Variants in KRAS observed in about 807,000 individuals in gnomAD.
The protein encoded by KRAS is GTPase KRas.
KRAS carries 1 observed loss-of-function variant against 21.0 expected under a neutral mutation model. The ratio of observed to expected loss-of-function variants is 0.05; its 90% CI spans 0.02 to 0.23. The LOEUF (loss-of-function observed/expected upper bound fraction) is 0.23, where lower values mean the gene tolerates loss of function less well. KRAS is among the 10% of genes least tolerant of loss of function. KRAS has a pLI of 1.00. For missense variants in KRAS, 107 were observed against 221.8 expected, an observed-to-expected ratio of 0.48 and a Z score of 3.29; for synonymous variants, 67 against 72.5, an observed-to-expected ratio of 0.92 and a Z score of 0.39.
At chr12:25,210,053 T>TC in intron 4 of KRAS, 142 bp from the exon 5 acceptor site, 8 of 546,510 alleles carry the variant, frequency 1.5e-5, no homozygotes, top group South Asian at 3.2e-5. Flanking sequence ...TTACATATAT[T>TC]AGGACTTTTA....
intron 4 of KRAS, among the ~76,000 whole-genome samples, chr12:25,222,219 G>A (rs950812227): frequency 6.7e-6 from 1 of 149,906 alleles, no homozygotes; most frequent in Non-Finnish European, 1.5e-5. Flanking sequence ...AATAACAGAT[G>A]AGTAACAAAA....
At chr12:25,234,567 C>G in intron 2 of KRAS, 1 of 186,130 alleles carries the variant, frequency 5.4e-6, no homozygotes, top group East Asian at 8.6e-5. Flanking sequence ...TTTTTCTTAT[C>G]TGCATATTTA....
rs895269809 is a variant in KRAS, at chr12:25,222,896, T to C, written c.450+2718A>G. On this transcript the variant is annotated intron_variant, in intron 4 of 4. Coordinates refer to ENST00000311936, the MANE Select transcript of KRAS (RefSeq NM_004985.5). ...TTTTAGGATATTATCAAATGAGAAGTGGACAGCAACAAAGTGGGACTAACA... is the reference window on the plus strand; with the variant it reads ...TTTTAGGATATTATCAAATGAGAAGCGGACAGCAACAAAGTGGGACTAACA... Among the ~76,000 whole-genome samples, 19 of 152,136 alleles carry C rather than the reference T, an allele frequency of 1.2e-4. 1 individual carries two copies. The highest frequency in any genetic ancestry group is 4.3e-4 in the African/African-American group (18 of 41,434).
intron 4 of KRAS, among the ~76,000 whole-genome samples, chr12:25,218,811 CAG>C (rs1951283646): frequency 6.6e-6 from 1 of 152,096 alleles, no homozygotes; most frequent in African/African-American, 2.4e-5. Flanking sequence ...ATAGCTGAAA[CAG>C]ATATTTAATA....
chr12:25,226,562 T>C (rs1951394490), intron 3 of KRAS, among the ~76,000 whole-genome samples: 1 of 152,216 alleles, frequency 6.6e-6, no homozygotes, highest in South Asian at 2.1e-4. Context: ...AAACATGCTG[T>C]AACAATGTTC....
At position 25,208,178 on chromosome 12, in the gene KRAS, A is replaced by AC. The variant is rs1951161199; in HGVS notation, c.*1616_*1617insG. The AC allele has an allele frequency of 4.3e-6, 1 of 232,792 alleles. No individual in the cohort carries two copies. The highest frequency in any genetic ancestry group is 2.2e-5 in the African/African-American group (1 of 45,222). The allele number at this position is 232,792 out of a possible 1,614,324, so 14.4% of individuals were successfully genotyped here. ...AAATTACATAGTTGTAAAAAAAAAAAACTAAGAGTTTGAGATGACTTCTTT... is the reference window on the plus strand; with the variant it reads ...AAATTACATAGTTGTAAAAAAAAAAACACTAAGAGTTTGAGATGACTTCTTT... On this transcript the variant is annotated 3_prime_UTR_variant, in exon 5 of 5. Transcript: ENST00000311936.
At chr12:25,219,125 G>C (rs1309997228) in intron 4 of KRAS, among the ~76,000 whole-genome samples, 1 of 151,760 alleles carries the variant, frequency 6.6e-6, no homozygotes, top group African/African-American at 2.4e-5. Flanking sequence ...TTTTAGTAGA[G>C]GGGGGTTTCA....
chr12:25,228,760 C>T (rs1172005640), intron 2 of KRAS, among the ~76,000 whole-genome samples: 1 of 152,130 alleles, frequency 6.6e-6, no homozygotes, highest in African/African-American at 2.4e-5. Flanking sequence ...GAATTGAACA[C>T]TTAAAATTAA....
intron 3 of KRAS, among the ~76,000 whole-genome samples, chr12:25,226,592 T>A (rs1021766717): frequency 5.9e-5 from 9 of 152,222 alleles, no homozygotes; most frequent in African/African-American, 1.9e-4. Flanking sequence ...ATGTTAAACT[T>A]CTTATAACTA....
In KRAS at chr12:25,222,667, T is replaced by C. The variant is rs970702492; in HGVS notation, c.450+2947A>G. ...TTTGTTTATCTACTTACATATTATA[T>C]ACCTTCAAAAAAACAAATCAAACAA... On this transcript the variant is annotated intron_variant, in intron 4 of 4. Transcript: ENST00000311936. 3.3e-5 allele frequency among the ~76,000 whole-genome samples: 5 copies of C among 152,074 alleles called. No homozygotes were observed. In the East Asian group the frequency reaches 9.6e-4, roughly 29 times the overall value.
At chr12:25,230,454 C>A (rs1951451432) in intron 2 of KRAS, among the ~76,000 whole-genome samples, 1 of 152,034 alleles carries the variant, frequency 6.6e-6, no homozygotes, top group African/African-American at 2.4e-5. Context: ...CACGGAGAAA[C>A]CCCATCTCTA....
intron 4 of KRAS, among the ~76,000 whole-genome samples, chr12:25,218,472 T>C (rs1327323224): frequency 1.3e-5 from 2 of 152,114 alleles, no homozygotes; most frequent in Non-Finnish European, 2.9e-5. Flanking sequence ...AAGAGATTAT[T>C]ATCCACCACC....
intron 2 of KRAS, among the ~76,000 whole-genome samples, chr12:25,243,009 C>T (rs1035078118): frequency 6.6e-6 from 1 of 152,052 alleles, no homozygotes; most frequent in African/African-American, 2.4e-5. Context: ...AAATTTATTT[C>T]CATTTTAAAT....
chr12:25,225,786 A>C lies in KRAS; in HGVS notation c.291-13T>G, dbSNP rs1429749123. 6.2e-7 allele frequency: 1 copy of C among 1,610,008 alleles called. No individual in the cohort carries two copies. The highest frequency in any genetic ancestry group is 1.7e-5 in the Admixed American group (1 of 59,978). Reference sequence around the variant, plus strand: ...TTTAATTTGTTCTCTGGGAAAGAAAAAAAAGTTATAGCACAGTCATTAGTA... The same window carrying C: ...TTTAATTTGTTCTCTGGGAAAGAAACAAAAGTTATAGCACAGTCATTAGTA... On this transcript the variant is annotated splice_polypyrimidine_tract_variant and intron_variant, in intron 3 of 4. Transcript: ENST00000311936.
intron 4 of KRAS, chr12:25,215,616 C>A: frequency 7.0e-7 from 1 of 1,428,702 alleles, no homozygotes; most frequent in Non-Finnish European, 9.9e-7. Flanking sequence ...GAGTAATTTA[C>A]TGGGAAAGCC....
chr12:25,219,085 T>A (rs1026134936), intron 4 of KRAS, among the ~76,000 whole-genome samples: 1 of 151,900 alleles, frequency 6.6e-6, no homozygotes, highest in Non-Finnish European at 1.5e-5. Flanking sequence ...ACTACAGGCA[T>A]GCACCACCAC....
intron 4 of KRAS, among the ~76,000 whole-genome samples, chr12:25,219,784 G>A (rs978364477): frequency 1.1e-4 from 16 of 152,224 alleles, no homozygotes; most frequent in Non-Finnish European, 2.1e-4. Flanking sequence ...TAACTGTTCC[G>A]TCAATTTTTA....
chr12:25,206,395 A>T lies in KRAS; in HGVS notation c.*3400T>A, dbSNP rs1284760537. ...AGTCTATGTAATTTAGCTTTTTTTA[A>T]AAAAACTTCAACAAGGATTTTTGTC... On this transcript the variant is annotated 3_prime_UTR_variant, in exon 5 of 5. Transcript: ENST00000311936. 9.9e-6 allele frequency: 2 copies of T among 202,388 alleles called. No individual in the cohort carries two copies. The highest frequency in any genetic ancestry group is 2.0e-5 in the Non-Finnish European group (2 of 98,652). 12.5% of individuals were successfully genotyped at this position (202,388 alleles called of 1,614,324 possible). A position where few individuals can be genotyped will look rare whatever the true frequency, so the allele number is the denominator to read the frequency against.
intron 2 of KRAS, among the ~76,000 whole-genome samples, chr12:25,230,322 A>G (rs1248697179): frequency 6.6e-6 from 1 of 152,162 alleles, no homozygotes; most frequent in Non-Finnish European, 1.5e-5. Context: ...TCTTTAATGG[A>G]GATAATTTAA....
Sources: gnomAD v4.1 joint callset for allele counts (sites outside exome capture counted in the v4.1 genomes callset) on GRCh38, gnomAD v4.1.1 for gene constraint, MANE v1.5 for transcripts, NCBI Gene and HGNC (gene_info 2026-07-23, HGNC 2026-07-21) for gene names.